ENOX1: variants seen among roughly 807,000 people sequenced by gnomAD.
ENOX1 encodes the protein ecto-NOX disulfide-thiol exchanger 1, also known as candidate growth-related and time keeping constitutive hydroquinone (NADH) oxidase.
Under a neutral mutation model 82.5 loss-of-function variants are expected in ENOX1, and 42 were observed. That is an observed-to-expected ratio of 0.51 (90% CI 0.40 to 0.66). The LOEUF (loss-of-function observed/expected upper bound fraction) is 0.66. ENOX1 is among the 30% of genes least tolerant of loss of function. The pLI is 0.00. For synonymous variants in ENOX1, 271 were observed against 282.2 expected (o/e 0.96, Z 0.40); for missense variants, 608 against 811.6 (o/e 0.75, Z 3.05).
Position 43,371,076 on chromosome 13 carries a change from G to A in ENOX1, c.209-9624C>T, listed in dbSNP as rs1056031689. Among the ~76,000 whole-genome samples, 105 of 152,166 alleles carry A rather than the reference G, an allele frequency of 6.9e-4. 3 individuals are homozygous for A. Among genetic ancestry groups the A allele is most frequent in the Admixed American group, 6.7e-3 (103 of 15,288 alleles). On this transcript the variant is annotated intron_variant, in intron 5 of 16. Coordinates refer to ENST00000690772, the MANE Select transcript of ENOX1 (RefSeq NM_001347969.2). ...TTTTCACATCCCTATCTCATTAGCC[G>A]ATGATTAATTTTCTTTCTGTACGAT...
intron 8 of ENOX1, among the ~76,000 whole-genome samples, chr13:43,353,058 T>C (rs753200889): frequency 3.3e-5 from 5 of 152,206 alleles, no homozygotes; most frequent in East Asian, 1.9e-4. Context: ...GCCAGTCATA[T>C]GGTAAAATGC....
chr13:43,474,674 A>G (rs956303254), intron 3 of ENOX1, among the ~76,000 whole-genome samples: 2 of 152,166 alleles, frequency 1.3e-5, no homozygotes, highest in Non-Finnish European at 2.9e-5. Context: ...TCTTTATTCT[A>G]TTTCAAAGTT....
intron 14 of ENOX1, among the ~76,000 whole-genome samples, chr13:43,250,445 T>G (rs578182426): frequency 6.6e-6 from 1 of 152,372 alleles, no homozygotes; most frequent in African/African-American, 2.4e-5. Context: ...GTGCCTGTCA[T>G]GTGGACTTGG....
At chr13:43,634,396 G>A (rs2083336402) in intron 2 of ENOX1, among the ~76,000 whole-genome samples, 1 of 152,188 alleles carries the variant, frequency 6.6e-6, no homozygotes, top group Admixed American at 6.5e-5. Context: ...AGAGGAGAGG[G>A]AGATTTACCA....
At chr13:43,690,072 T>C (rs1455355415) in intron 1 of ENOX1, among the ~76,000 whole-genome samples, 1 of 152,076 alleles carries the variant, frequency 6.6e-6, no homozygotes, top group Non-Finnish European at 1.5e-5. Context: ...AGATCTCAGC[T>C]AGGAAAAGGG....
intron 2 of ENOX1, among the ~76,000 whole-genome samples, chr13:43,609,558 A>T (rs1413324369): frequency 6.6e-6 from 1 of 152,206 alleles, no homozygotes; most frequent in Non-Finnish European, 1.5e-5. Flanking sequence ...CTCATAGAAG[A>T]GATAAAAGTC....
At chr13:43,617,801 C>A (rs1019823156) in intron 2 of ENOX1, among the ~76,000 whole-genome samples, 2 of 152,208 alleles carry the variant, frequency 1.3e-5, no homozygotes, top group African/African-American at 2.4e-5. Context: ...AATCTCCACA[C>A]TGTTTTCCAT....
At chr13:43,559,159 T>C (rs1029575018) in intron 2 of ENOX1, among the ~76,000 whole-genome samples, 10 of 152,314 alleles carry the variant, frequency 6.6e-5, no homozygotes, top group African/African-American at 2.4e-4. Flanking sequence ...AATTCAGCTG[T>C]GCCTGTACAA....
rs1317977281 is a variant in ENOX1, at chr13:43,258,517, A to G, written c.1611+6881T>C. Among the ~76,000 whole-genome samples the G allele has an allele frequency of 2.0e-5, 3 of 152,020 alleles. No homozygotes were observed. In the East Asian group the frequency reaches 5.8e-4, roughly 29 times the overall value. On this transcript the variant is annotated intron_variant, in intron 14 of 16. Coordinates refer to ENST00000690772, the MANE Select transcript of ENOX1 (RefSeq NM_001347969.2). ...TGTTACAGGGCTATAACTGGGGGAG[A>G]AGAGCAAGTTCTGGGTATGAGCATT...
intron 5 of ENOX1, among the ~76,000 whole-genome samples, chr13:43,376,732 T>C (rs2051661650): frequency 6.6e-6 from 1 of 152,176 alleles, no homozygotes; most frequent in Non-Finnish European, 1.5e-5. Context: ...CTATGAAGCA[T>C]CCCTCACACT....
At chr13:43,423,431 G>A (rs1355592706) in intron 3 of ENOX1, among the ~76,000 whole-genome samples, 2 of 152,180 alleles carry the variant, frequency 1.3e-5, no homozygotes, top group East Asian at 3.8e-4. Flanking sequence ...GGGATTCAGG[G>A]CAAACACATA....
intron 15 of ENOX1, among the ~76,000 whole-genome samples, chr13:43,229,773 G>A (rs975865858): frequency 1.1e-4 from 17 of 152,288 alleles, no homozygotes; most frequent in African/African-American, 4.1e-4. Context: ...GGGCTGGTGT[G>A]AGCAGTGAGG....
intron 1 of ENOX1, among the ~76,000 whole-genome samples, chr13:43,751,860 T>C (rs139960965): frequency 2.6e-5 from 4 of 152,344 alleles, no homozygotes; most frequent in Admixed American, 2.6e-4. Flanking sequence ...CAAGTCTTTG[T>C]ACAGACACGT....
chr13:43,255,194 C>T (rs761187736), intron 14 of ENOX1, among the ~76,000 whole-genome samples: 3 of 152,066 alleles, frequency 2.0e-5, no homozygotes, highest in Non-Finnish European at 4.4e-5. Context: ...GAATGGAAAC[C>T]ATATGATGAT....
At chr13:43,419,906 G>T (rs2054872248) in intron 3 of ENOX1, among the ~76,000 whole-genome samples, 1 of 152,162 alleles carries the variant, frequency 6.6e-6, no homozygotes. Flanking sequence ...GGGAGGCAAA[G>T]GTTGCAGTGA....
At chr13:43,235,374 T>C (rs1250569568) in intron 15 of ENOX1, among the ~76,000 whole-genome samples, 2 of 152,212 alleles carry the variant, frequency 1.3e-5, no homozygotes, top group Non-Finnish European at 2.9e-5. Context: ...TAATTCCTCA[T>C]GTGCCAGCTT....
chr13:43,413,768 T>C (rs1009105871), intron 3 of ENOX1, among the ~76,000 whole-genome samples: 9 of 148,912 alleles, frequency 6.0e-5, no homozygotes, highest in African/African-American at 2.2e-4. Context: ...ATCTAATAAA[T>C]ATAACAATTA....
chr13:43,464,925 G>C (rs2057652492), intron 3 of ENOX1, among the ~76,000 whole-genome samples: 1 of 152,172 alleles, frequency 6.6e-6, no homozygotes. Flanking sequence ...TGACGGTCTT[G>C]ATGTGTATTA....
intron 2 of ENOX1, among the ~76,000 whole-genome samples, chr13:43,515,756 T>C (rs1404372906): frequency 1.3e-5 from 2 of 152,192 alleles, no homozygotes; most frequent in South Asian, 2.1e-4. Context: ...GGAGAGCAAC[T>C]GCTCGTGGAA....
Sources: allele counts gnomAD v4.1 joint callset (sites outside exome capture counted in the v4.1 genomes callset), GRCh38; gene constraint gnomAD v4.1.1; transcripts MANE v1.5; gene names NCBI Gene and HGNC (gene_info 2026-07-23, HGNC 2026-07-21).